Variants in CD34 observed in about 807,000 individuals in gnomAD.
CD34 encodes CD34 molecule.
In CD34, 34 loss-of-function variants were observed where a neutral mutation model predicts 40.1. That is an observed-to-expected ratio of 0.85 (90% confidence interval 0.65 to 1.13). CD34 has a LOEUF of 1.13. Ranked by LOEUF, CD34 falls within the 50% of genes most tolerant of loss-of-function variation. CD34 has a pLI of 0.00. For synonymous variants in CD34, 209 were observed against 190.0 expected, an observed-to-expected ratio of 1.10 and a Z score of -0.82; for missense variants, 426 against 466.9, an observed-to-expected ratio of 0.91 and a Z score of 0.81.
At chr1:207,890,299 G>A in intron 4 of CD34, 3 of 934,382 alleles carry the variant, frequency 3.2e-6, no homozygotes, top group Non-Finnish European at 3.8e-6. Context: ...CTTCAATAGT[G>A]AGTCAGAATT....
Position 207,888,745 on chromosome 1 carries a change from G to T in CD34, c.909C>A (p.Val303=). 1 of 1,614,220 alleles carries T rather than the reference G, an allele frequency of 6.2e-7. No individual in the cohort carries two copies. Residue 303 remains valine, a synonymous_variant, in exon 7 of 8, where the codon GTC becomes GTA. Transcript: ENST00000310833. ...TCAGGAAATAGCCAGTGATGCCCAA[G>T]ACAGCCAGCAGGGCTCCCGAGGTGA... ...ALVTSGALLA[V]LGITGYFLMN...
Position 207,883,149 on chromosome 1 carries a change from G to A in CD34, c.*4589C>T, listed in dbSNP as rs1047528512. 2.6e-5 allele frequency: 4 copies of A among 152,086 alleles called. No individual in the cohort carries two copies. The highest frequency in any genetic ancestry group is 9.7e-5 in the African/African-American group (4 of 41,412). 9.4% of individuals were successfully genotyped at this position (152,086 alleles called of 1,614,324 possible). ...ACACCCTACACAAACTGTGACACCC[G>A]GATCTTTCTGGTACTCGGCTTCCCT... On this transcript the variant is annotated 3_prime_UTR_variant, in exon 8 of 8. Transcript: ENST00000310833.
intron 4 of CD34, among the ~76,000 whole-genome samples, chr1:207,895,136 CAACCTAAGGA>C (rs1265743116): frequency 6.6e-6 from 1 of 152,130 alleles, no homozygotes; most frequent in African/African-American, 2.4e-5. Flanking sequence ...AGTACAAATC[CAACCTAAGGA>C]AAATTAGGAG....
intron 1 of CD34, among the ~76,000 whole-genome samples, chr1:207,907,237 A>T (rs1662400639): frequency 6.6e-6 from 1 of 151,608 alleles, no homozygotes; most frequent in African/African-American, 2.4e-5. Flanking sequence ...GCCATGTATT[A>T]AAAAAAAATT....
intron 1 of CD34, among the ~76,000 whole-genome samples, chr1:207,903,339 C>T (rs1048071681): frequency 6.6e-6 from 1 of 152,168 alleles, no homozygotes; most frequent in Non-Finnish European, 1.5e-5. Flanking sequence ...CAGGAGCCTA[C>T]CAGTCAGTGA....
In CD34 at chr1:207,887,654, C is replaced by T. The variant is rs1661928878; in HGVS notation, c.*84G>A. 9 of 1,573,442 alleles carry T rather than the reference C, an allele frequency of 5.7e-6. No homozygotes were observed. Among genetic ancestry groups the T allele is most frequent in the Non-Finnish European group, 7.8e-6 (9 of 1,158,764 alleles). The stretch of plus-strand genomic sequence containing the variant: ...GAAGGGTTGGGCGTAAGAGATGTCA[C>T]CTCCAGCATGGGGGTAGCACGTGGT... On this transcript the variant is annotated 3_prime_UTR_variant, in exon 8 of 8. Coordinates refer to ENST00000310833, the MANE Select transcript of CD34 (RefSeq NM_001025109.2).
At chr1:207,910,654 G>A (rs1662489377) in intron 1 of CD34, among the ~76,000 whole-genome samples, 1 of 152,030 alleles carries the variant, frequency 6.6e-6, no homozygotes, top group South Asian at 2.1e-4. Flanking sequence ...CTCCTCCCCA[G>A]TCTCCCGGTT....
At chr1:207,888,266 C>T in intron 7 of CD34, 1 of 785,382 alleles carries the variant, frequency 1.3e-6, no homozygotes, top group Non-Finnish European at 2.2e-6. Context: ...CAGACCTCAG[C>T]CTTGTCCTCC....
intron 1 of CD34, among the ~76,000 whole-genome samples, chr1:207,910,067 G>T (rs1445499353): frequency 6.6e-6 from 1 of 152,206 alleles, no homozygotes; most frequent in African/African-American, 2.4e-5. Context: ...AAAGAGATGA[G>T]GTGGAGAATG....
At chr1:207,901,976 AG>A (rs1256016194) in intron 1 of CD34, among the ~76,000 whole-genome samples, 1 of 152,192 alleles carries the variant, frequency 6.6e-6, no homozygotes, top group African/African-American at 2.4e-5. Flanking sequence ...TGTTTCCCTC[AG>A]GATCAAGAGG....
At chr1:207,897,612 T>C in intron 3 of CD34, 39 bp from the exon 4 acceptor site, 1 of 1,452,986 alleles carries the variant, frequency 6.9e-7, no homozygotes. Flanking sequence ...ACAAAGTAAA[T>C]AAGCCAGTAT....
Position 207,885,967 on chromosome 1 carries a change from T to C in CD34, c.*1771A>G, listed in dbSNP as rs910705892. The C allele has an allele frequency of 1.3e-5, 2 of 148,278 alleles. No homozygotes were observed. The highest frequency in any genetic ancestry group is 3.0e-5 in the Non-Finnish European group (2 of 67,066). The allele number at this position is 148,278 out of a possible 1,614,324, so 9.2% of individuals were successfully genotyped here. A position where few individuals can be genotyped will look rare whatever the true frequency, so the allele number is the denominator to read the frequency against. On this transcript the variant is annotated 3_prime_UTR_variant, in exon 8 of 8. Coordinates refer to ENST00000310833, the MANE Select transcript of CD34 (RefSeq NM_001025109.2). ...GGTAGGGGTGGGGTGGGGGTTGTTT[T>C]GGAAGCTGGGGGGAGGTACATGCTT...
Position 207,907,384 on chromosome 1 carries a change from C to T in CD34, c.79+3618G>A, listed in dbSNP as rs1203211136. ...CTCTTGTGCCCACCTAAACACAAGG[C>T]TTCACTTCATTTTATCATGCTCAGC... is the stretch of plus-strand genomic sequence containing the variant. On this transcript the variant is annotated intron_variant, in intron 1 of 7. Transcript: ENST00000310833. Among the ~76,000 whole-genome samples the T allele has an allele frequency of 2.0e-5, 3 of 152,100 alleles. No homozygotes were observed. The East Asian group carries it at 5.8e-4, about 29-fold the overall frequency.
intron 1 of CD34, among the ~76,000 whole-genome samples, chr1:207,903,473 C>G (rs1457474032): frequency 6.6e-6 from 1 of 152,212 alleles, no homozygotes; most frequent in Non-Finnish European, 1.5e-5. Context: ...GAATAAAAAG[C>G]TCTCTTCTGT....
At chr1:207,898,531 G>A (rs1662198091) in intron 3 of CD34, among the ~76,000 whole-genome samples, 1 of 152,106 alleles carries the variant, frequency 6.6e-6, no homozygotes. Context: ...CCCCTTTACT[G>A]CCTCTCTGTG....
chr1:207,888,897 C>T (rs1661968151), intron 6 of CD34, 51 bp from the exon 7 acceptor site: 4 of 1,577,338 alleles, frequency 2.5e-6, no homozygotes, highest in Non-Finnish European at 3.5e-6. Flanking sequence ...AAAAGTGGAG[C>T]CCAGCCCGCT....
At chr1:207,900,475 C>T (rs1253767884) in intron 1 of CD34, among the ~76,000 whole-genome samples, 6 of 152,124 alleles carry the variant, frequency 3.9e-5, no homozygotes, top group African/African-American at 1.4e-4. Context: ...AAAGGTCATG[C>T]TTCTTTTTTC....
At position 207,888,711 on chromosome 1, in the gene CD34, G is replaced by T. The variant is rs773274873; in HGVS notation, c.943C>A (p.Arg315Ser). The T allele has an allele frequency of 6.2e-7, 1 of 1,614,180 alleles. No homozygotes were observed. The highest frequency in any genetic ancestry group is 8.5e-7 in the Non-Finnish European group (1 of 1,180,034). Residue 315 changes from arginine (R) to serine (S), a missense_variant, in exon 7 of 8, where the codon CGC (arginine) becomes AGC (serine). Arg to Ser is a moderately radical substitution (Grantham distance 110). Coordinates refer to ENST00000310833, the MANE Select transcript of CD34 (RefSeq NM_001025109.2). ...GITGYFLMNR[R>S]SWSPTGERLG... The stretch of plus-strand genomic sequence containing the variant: ...CTTTCTCCTGTGGGGCTCCAGCTGC[G>T]GCGATTCATCAGGAAATAGCCAGTG...
intron 1 of CD34, among the ~76,000 whole-genome samples, chr1:207,906,229 A>G (rs1253689722): frequency 6.6e-6 from 1 of 152,224 alleles, no homozygotes; most frequent in Non-Finnish European, 1.5e-5. Flanking sequence ...AGAACTAATG[A>G]TTAGAAGTTA....
Sources: allele counts gnomAD v4.1 joint callset (sites outside exome capture counted in the v4.1 genomes callset), GRCh38; gene constraint gnomAD v4.1.1; transcripts MANE v1.5; gene names NCBI Gene and HGNC (gene_info 2026-07-23, HGNC 2026-07-21).